The following KLHL18 variants were observed in gnomAD, a reference collection of about 807,000 sequenced individuals.
The protein encoded by KLHL18 is kelch like family member 18.
Under a neutral mutation model 58.5 loss-of-function variants are expected in KLHL18, and 38 were observed. The ratio of observed to expected loss-of-function variants is 0.65; its 90% CI spans 0.50 to 0.85. The LOEUF is 0.85. KLHL18 is among the 40% of genes least tolerant of loss of function. KLHL18 has a pLI of 0.00. For synonymous variants in KLHL18, 303 were observed against 301.9 expected, an observed-to-expected ratio of 1.00 and a Z score of -0.04; for missense variants, 624 against 778.4, an observed-to-expected ratio of 0.80 and a Z score of 2.36.
At chr3:47,286,020 A>G (rs902482062) in intron 1 of KLHL18, among the ~76,000 whole-genome samples, 2 of 152,050 alleles carry the variant, frequency 1.3e-5, no homozygotes, top group African/African-American at 4.8e-5. Context: ...AGCCTGGGCA[A>G]CAGAGTAAGA....
chr3:47,321,160 T>G (rs562088347), intron 2 of KLHL18, among the ~76,000 whole-genome samples: 1 of 151,898 alleles, frequency 6.6e-6, no homozygotes, highest in South Asian at 2.1e-4. Flanking sequence ...CTGCCAACCT[T>G]TTTTTTGGGG....
chr3:47,315,209 A>C (rs1576159717), intron 1 of KLHL18, among the ~76,000 whole-genome samples: 1 of 152,178 alleles, frequency 6.6e-6, no homozygotes, highest in East Asian at 1.9e-4. Flanking sequence ...AGAAACTGAG[A>C]AGGAAGAGGA....
Position 47,342,745 on chromosome 3 carries a change from C to T in KLHL18, c.1253C>T (p.Ser418Leu), listed in dbSNP as rs900768263. ...DKWTVVTSMS[S>L]NRSAAGVTVF... The stretch of plus-strand genomic sequence containing the variant: ...TGGACAGTGGTGACCTCGATGAGCT[C>T]GAATCGCAGTGCTGCTGGGGTTACA... The change falls in exon 9 of 10, where the codon TCG (serine) becomes TTG (leucine). Residue 418 changes from serine (S) to leucine (L), a missense_variant. By Grantham distance (145) the Ser-to-Leu change is moderately radical. Coordinates refer to ENST00000232766, the MANE Select transcript of KLHL18 (RefSeq NM_025010.5). The T allele has an allele frequency of 1.4e-5, 23 of 1,613,978 alleles. No individual in the cohort carries two copies. Among genetic ancestry groups the T allele is most frequent in the African/African-American group, 2.7e-5 (2 of 74,876 alleles).
In KLHL18 at chr3:47,329,933, T is replaced by G. The variant is rs1234217762; in HGVS notation, c.402-18T>G. 1 of 1,611,204 alleles carries G rather than the reference T, an allele frequency of 6.2e-7. No homozygotes were observed. The highest frequency in any genetic ancestry group is 8.5e-7 in the Non-Finnish European group (1 of 1,178,128). ...TCCTTTCTTCCTCTAATTTTTTTTT[T>G]CTTTCCTTATGCCAAAGGCTTCACC... On this transcript the variant is annotated intron_variant, in intron 3 of 9. Coordinates refer to ENST00000232766, the MANE Select transcript of KLHL18 (RefSeq NM_025010.5).
In KLHL18 at chr3:47,334,949, T is replaced by A; in HGVS notation, c.898+130T>A. ...ACCACCCTTGCCCCTCTTGATTTTA[T>A]ACAATTGCTCTACAGTTAGAGCATG... On this transcript the variant is annotated intron_variant, in intron 6 of 9. Coordinates refer to ENST00000232766, the MANE Select transcript of KLHL18 (RefSeq NM_025010.5). This position sits in a 1 kb window ranked among gnomAD's most constrained non-coding sequence, Gnocchi z 4.7. The A allele has an allele frequency of 1.1e-6, 1 of 896,920 alleles. No individual in the cohort carries two copies. The highest frequency in any genetic ancestry group is 2.7e-5 in the Admixed American group (1 of 36,742). 55.6% of individuals were successfully genotyped at this position (896,920 alleles called of 1,614,324 possible).
chr3:47,312,039 T>C (rs952052150), intron 1 of KLHL18, among the ~76,000 whole-genome samples: 6 of 152,208 alleles, frequency 3.9e-5, no homozygotes, highest in African/African-American at 1.4e-4. Flanking sequence ...AATTGATCTT[T>C]TTTTCTTAGA....
At chr3:47,330,230 T>A in intron 4 of KLHL18, 81 bp downstream of exon 4, 1 of 1,326,610 alleles carries the variant, frequency 7.5e-7, no homozygotes, top group Admixed American at 1.9e-5. Flanking sequence ...TGTATTTTTT[T>A]ACAAAGTTAA....
chr3:47,326,807 G>A (rs1703732959), intron 3 of KLHL18, among the ~76,000 whole-genome samples: 1 of 152,012 alleles, frequency 6.6e-6, no homozygotes, highest in Admixed American at 6.6e-5. Context: ...TGTAATCCCA[G>A]CTACTCGGGA....
intron 5 of KLHL18, 71 bp downstream of exon 5, chr3:47,333,388 C>G (rs1703913085): frequency 1.4e-6 from 2 of 1,445,400 alleles, no homozygotes; most frequent in African/African-American, 1.4e-5. Context: ...GCCACCTGTT[C>G]CAGTTCTGGA....
chr3:47,336,360 A>G lies in KLHL18; in HGVS notation c.899-175A>G, dbSNP rs1703984164. ...GTCTGATTCTGATTTTCCTTAAAGA[A>G]TTAGGTTTGAGGTGATCATGGCTGA... On this transcript the variant is annotated intron_variant, in intron 6 of 9. Coordinates refer to ENST00000232766, the MANE Select transcript of KLHL18 (RefSeq NM_025010.5). 2.6e-5 allele frequency among the ~76,000 whole-genome samples: 4 copies of G among 152,230 alleles called. No homozygotes were observed. In the South Asian group the frequency reaches 8.3e-4, roughly 32 times the overall value.
chr3:47,334,925 C>G lies in KLHL18; in HGVS notation c.898+106C>G. 1 of 1,118,096 alleles carries G rather than the reference C, an allele frequency of 8.9e-7. No homozygotes were observed. Among genetic ancestry groups the G allele is most frequent in the Non-Finnish European group, 1.3e-6 (1 of 789,632 alleles). 69.3% of individuals were successfully genotyped at this position (1,118,096 alleles called of 1,614,324 possible). ...CTGGTTTCTCTGTTTTGTACTGTCA[C>G]CACCCTTGCCCCTCTTGATTTTATA... On this transcript the variant is annotated intron_variant, in intron 6 of 9. Transcript: ENST00000232766. The surrounding 1 kb of genome is among the most constrained non-coding windows in gnomAD (Gnocchi z 4.7).
chr3:47,292,442 C>A (rs753957204), intron 1 of KLHL18, among the ~76,000 whole-genome samples: 6 of 151,132 alleles, frequency 4.0e-5, no homozygotes, highest in African/African-American at 2.4e-5. Context: ...CCATTGCACT[C>A]CAGCCTAGGC....
At chr3:47,284,967 C>T (rs774157432) in intron 1 of KLHL18, among the ~76,000 whole-genome samples, 7 of 152,022 alleles carry the variant, frequency 4.6e-5, no homozygotes, top group Admixed American at 1.3e-4. Flanking sequence ...TACAGGCGCC[C>T]GCCACCACGC....
intron 3 of KLHL18, among the ~76,000 whole-genome samples, chr3:47,323,116 T>A (rs1260149428): frequency 6.6e-6 from 1 of 151,838 alleles, no homozygotes; most frequent in African/African-American, 2.4e-5. Flanking sequence ...CAAGACAGGA[T>A]CTTGCTCTGT....
chr3:47,319,638 T>C lies in KLHL18; in HGVS notation c.130-15T>C, dbSNP rs1703538103. 6.2e-7 allele frequency: 1 copy of C among 1,612,806 alleles called. No homozygotes were observed. Among genetic ancestry groups the C allele is most frequent in the South Asian group, 1.1e-5 (1 of 91,040 alleles). On this transcript the variant is annotated splice_polypyrimidine_tract_variant and intron_variant, in intron 1 of 9. Transcript: ENST00000232766. ...ATTCCTCAATATCTGTCTTTGTATT[T>C]TACTTTGCCCACAGATTGGGGACCA...
chr3:47,321,711 T>G (rs1576167412), intron 2 of KLHL18, among the ~76,000 whole-genome samples: 1 of 151,558 alleles, frequency 6.6e-6, no homozygotes. Flanking sequence ...TGGCTAAGAG[T>G]GAAAGTGATA....
intron 3 of KLHL18, among the ~76,000 whole-genome samples, chr3:47,326,209 A>G (rs981624232): frequency 3.9e-5 from 6 of 152,186 alleles, no homozygotes; most frequent in South Asian, 2.1e-4. Flanking sequence ...CGGCCTCCCA[A>G]AGTGCTGAGA....
chr3:47,326,525 T>C (rs1241693572), intron 3 of KLHL18, among the ~76,000 whole-genome samples: 1 of 152,148 alleles, frequency 6.6e-6, no homozygotes, highest in Non-Finnish European at 1.5e-5. Flanking sequence ...GCCCCTTTCC[T>C]GTGTGGCCGC....
chr3:47,323,857 A>C (rs188387937), intron 3 of KLHL18, among the ~76,000 whole-genome samples: 3 of 152,044 alleles, frequency 2.0e-5, no homozygotes, highest in African/African-American at 7.2e-5. Context: ...CCCCTCCCCT[A>C]TTCTCACTCC....
Sources: allele counts gnomAD v4.1 joint callset (sites outside exome capture counted in the v4.1 genomes callset), GRCh38; gene constraint gnomAD v4.1.1; non-coding constraint Gnocchi (gnomAD v3.1); transcripts MANE v1.5; gene names NCBI Gene and HGNC (gene_info 2026-07-23, HGNC 2026-07-21).